The following RABGAP1 variants were observed in gnomAD, a reference collection of about 807,000 sequenced individuals.
The protein encoded by RABGAP1 is RAB GTPase activating protein 1.
In RABGAP1, 23 loss-of-function variants were observed where a neutral mutation model predicts 137.6. The observed-to-expected ratio is 0.17, with a 90% confidence interval of 0.12 to 0.24. The LOEUF (loss-of-function observed/expected upper bound fraction) is 0.24. Among genes scored for constraint, RABGAP1 ranks in the 10% least tolerant of loss-of-function variants. RABGAP1 has a pLI of 1.00. For missense variants in RABGAP1, 906 were observed against 1,275.8 expected, an observed-to-expected ratio of 0.71 and a Z score of 4.42; for synonymous variants, 451 against 450.7, an observed-to-expected ratio of 1.00 and a Z score of -0.01.
chr9:122,941,536 C>T lies in RABGAP1; in HGVS notation c.-50+443C>T, dbSNP rs148249064. On this transcript the variant is annotated intron_variant, in intron 1 of 25. Coordinates refer to ENST00000373647, the MANE Select transcript of RABGAP1 (RefSeq NM_012197.4). ...GCCTGTATCTGTGACTTAAGCTAGC[C>T]TGGGCCTCAGGCTGTCCTGGGCTGC... Among the ~76,000 whole-genome samples the T allele has an allele frequency of 5.6e-4, 86 of 152,348 alleles. No homozygotes were observed. In the East Asian group the frequency reaches 0.015, roughly 26 times the overall value.
intron 24 of RABGAP1, among the ~76,000 whole-genome samples, chr9:123,100,711 G>C (rs369749381): frequency 6.6e-6 from 1 of 152,124 alleles, no homozygotes; most frequent in Non-Finnish European, 1.5e-5. Flanking sequence ...GAGCCACTGC[G>C]CCTGGCCAAC....
At chr9:122,969,125 G>A (rs1023205403) in intron 2 of RABGAP1, among the ~76,000 whole-genome samples, 1 of 152,086 alleles carries the variant, frequency 6.6e-6, no homozygotes, top group Non-Finnish European at 1.5e-5. Context: ...TATTTTTATT[G>A]TACCTTTTCT....
chr9:123,060,414 T>C (rs1299328443), intron 13 of RABGAP1, among the ~76,000 whole-genome samples: 2 of 152,218 alleles, frequency 1.3e-5, no homozygotes, highest in Non-Finnish European at 2.9e-5. Flanking sequence ...TATTGCTGGG[T>C]AGTATTCCAT....
At chr9:122,995,861 G>A (rs1836996437) in intron 6 of RABGAP1, among the ~76,000 whole-genome samples, 180 bp from the exon 7 acceptor site, 1 of 152,088 alleles carries the variant, frequency 6.6e-6, no homozygotes, top group Non-Finnish European at 1.5e-5. Flanking sequence ...AAGCCATAGT[G>A]CCTAGACTCA....
At chr9:123,047,653 T>G (rs1321671320) in intron 13 of RABGAP1, among the ~76,000 whole-genome samples, 1 of 152,080 alleles carries the variant, frequency 6.6e-6, no homozygotes, top group East Asian at 1.9e-4. Flanking sequence ...CAATATGATT[T>G]TTCTTATATG....
rs77084793 is a variant in RABGAP1 at position 122,974,247 on chromosome 9, T to C, written c.151-10238T>C. On this transcript the variant is annotated intron_variant, in intron 2 of 25. Coordinates refer to ENST00000373647, the MANE Select transcript of RABGAP1 (RefSeq NM_012197.4). The stretch of plus-strand genomic sequence containing the variant: ...CCTAAAGAAGAAAAGAAAGGTTATG[T>C]GTAGTAGGTGATAGTTGAGAAAATA... Among the ~76,000 whole-genome samples, 1,342 of 152,104 alleles carry C rather than the reference T, an allele frequency of 8.8e-3. 16 individuals carry two copies. The highest frequency in any genetic ancestry group is 0.031 in the African/African-American group (1,268 of 41,484).
chr9:123,049,998 G>A (rs532067125), intron 13 of RABGAP1, among the ~76,000 whole-genome samples: 3 of 152,236 alleles, frequency 2.0e-5, no homozygotes, highest in Non-Finnish European at 4.4e-5. Flanking sequence ...AGTACCCAGA[G>A]ACAGAACAGC....
intron 13 of RABGAP1, among the ~76,000 whole-genome samples, chr9:123,026,536 A>G (rs34640255): frequency 0.027 from 4,118 of 152,290 alleles, 74 homozygotes; most frequent in Non-Finnish European, 0.044. Context: ...TTATAGACCA[A>G]GCACCCCTGG....
Position 123,000,946 on chromosome 9 carries a change from ATAAAAGCCAAAGTTTTACTCAG to A in RABGAP1, c.1374+2194_1374+2215del, listed in dbSNP as rs547110044. On this transcript the variant is annotated intron_variant, in intron 10 of 25. Transcript: ENST00000373647. The stretch of plus-strand genomic sequence containing the variant: ...AAACCCTCCAGCCTTGTTTTACTCA[ATAAAAGCCAAAGTTTTACTCAG>A]TAAAAGCCAAAGTGCTGGGATAACA... 2.9e-3 allele frequency among the ~76,000 whole-genome samples: 445 copies of A among 152,240 alleles called. 2 individuals carry two copies. The highest frequency in any genetic ancestry group is 0.01 in the African/African-American group (421 of 41,552).
Position 123,001,838 on chromosome 9 carries a change from G to A in RABGAP1, c.1374+3072G>A, listed in dbSNP as rs182210350. 3.9e-5 allele frequency among the ~76,000 whole-genome samples: 6 copies of A among 152,264 alleles called. No homozygotes were observed. In the East Asian group the frequency reaches 7.7e-4, roughly 20 times the overall value. On this transcript the variant is annotated intron_variant, in intron 10 of 25. Transcript: ENST00000373647. ...AGTAAGTTCTCCCTACGTATTTGCTGTTATTATTGAGAAGGATTATACAAC... is the reference window on the plus strand; with the variant it reads ...AGTAAGTTCTCCCTACGTATTTGCTATTATTATTGAGAAGGATTATACAAC...
chr9:122,945,692 A>G (rs529403725), intron 1 of RABGAP1, among the ~76,000 whole-genome samples: 1 of 152,196 alleles, frequency 6.6e-6, no homozygotes, highest in East Asian at 1.9e-4. Flanking sequence ...ATAAACTACT[A>G]CTCCTTGGGT....
intron 1 of RABGAP1, among the ~76,000 whole-genome samples, chr9:122,947,135 C>T (rs7861689): frequency 0.98 from 148,828 of 152,326 alleles, 72,806 homozygotes; most frequent in East Asian, 1. Flanking sequence ...ATAAATGTGG[C>T]ATACATACAT....
intron 13 of RABGAP1, among the ~76,000 whole-genome samples, chr9:123,046,748 T>A (rs1336586937): frequency 6.6e-6 from 1 of 152,178 alleles, no homozygotes; most frequent in Non-Finnish European, 1.5e-5. Flanking sequence ...GAGAATAAAT[T>A]CAGAAAGATA....
chr9:123,031,903 A>C (rs1310003726), intron 13 of RABGAP1, among the ~76,000 whole-genome samples: 2 of 152,232 alleles, frequency 1.3e-5, no homozygotes, highest in Non-Finnish European at 2.9e-5. Flanking sequence ...CTGGAGACCT[A>C]GGCAGAGAAA....
chr9:122,968,904 C>T (rs894999769), intron 2 of RABGAP1, among the ~76,000 whole-genome samples: 4 of 152,166 alleles, frequency 2.6e-5, no homozygotes, highest in East Asian at 1.9e-4. Context: ...TGTGAGCCAC[C>T]GCCCCCAGCT....
intron 14 of RABGAP1, among the ~76,000 whole-genome samples, chr9:123,067,185 C>T (rs1394267077): frequency 6.6e-6 from 1 of 152,198 alleles, no homozygotes; most frequent in African/African-American, 2.4e-5. Context: ...CCTTTTCTCC[C>T]ATACCATTGT....
At chr9:122,990,782 AAAAAAAAAAAAAAAATATATATATAT>A (rs1836639034) in intron 6 of RABGAP1, 1 of 72,728 alleles carries the variant, frequency 1.4e-5, no homozygotes, top group East Asian at 5.6e-4. Context: ...AAAAAAAAAA[AAAAAAAAAAAAAAAATATATATATAT>A]ATATATATAT....
At chr9:123,034,677 T>C (rs752206999) in intron 13 of RABGAP1, 1 of 1,613,160 alleles carries the variant, frequency 6.2e-7, no homozygotes, top group African/African-American at 1.3e-5. Context: ...TTATTGTCTT[T>C]CTAACTGTAT....
intron 12 of RABGAP1, among the ~76,000 whole-genome samples, chr9:123,019,682 C>T (rs950168098): frequency 5.9e-5 from 5 of 85,230 alleles, no homozygotes; most frequent in African/African-American, 1.4e-4. Context: ...GAATTTTGCT[C>T]TTTTTTTGTT....
Sources: allele counts gnomAD v4.1 joint callset (sites outside exome capture counted in the v4.1 genomes callset), GRCh38; gene constraint gnomAD v4.1.1; transcripts MANE v1.5; gene names NCBI Gene and HGNC (gene_info 2026-07-23, HGNC 2026-07-21).